TRPC4: variants seen among roughly 807,000 people sequenced by gnomAD.
TRPC4 encodes short transient receptor potential channel 4.
Under a neutral mutation model 99.4 loss-of-function variants are expected in TRPC4, and 49 were observed. The ratio of observed to expected loss-of-function variants is 0.49; its 90% CI spans 0.39 to 0.63. TRPC4 has a LOEUF of 0.63. Among genes scored for constraint, TRPC4 ranks in the 20% least tolerant of loss-of-function variants. The pLI is 0.00. For synonymous variants in TRPC4, 454 were observed against 425.9 expected (o/e 1.07, Z -0.81); for missense variants, 898 against 1,152.9 (o/e 0.78, Z 3.20).
At chr13:37,858,878 T>C (rs1959196792) in intron 1 of TRPC4, among the ~76,000 whole-genome samples, 1 of 151,228 alleles carries the variant, frequency 6.6e-6, no homozygotes, top group Non-Finnish European at 1.5e-5. Context: ...ATATCACAAC[T>C]GTGACTAAAG....
chr13:37,812,352 A>G (rs1310172421), intron 1 of TRPC4, among the ~76,000 whole-genome samples: 1 of 151,560 alleles, frequency 6.6e-6, no homozygotes, highest in African/African-American at 2.4e-5. Context: ...ATGAAAAAAA[A>G]TACAAACCAT....
intron 5 of TRPC4, among the ~76,000 whole-genome samples, chr13:37,667,164 T>C (rs1357147068): frequency 1.3e-5 from 2 of 152,202 alleles, no homozygotes; most frequent in Admixed American, 1.3e-4. Context: ...TAAACCCAAA[T>C]CTTATGTAGG....
intron 8 of TRPC4, among the ~76,000 whole-genome samples, chr13:37,643,047 A>G (rs1951773811): frequency 6.6e-6 from 1 of 151,924 alleles, no homozygotes; most frequent in Admixed American, 6.6e-5. Flanking sequence ...CGATTCTTTT[A>G]CCATGTGCTA....
chr13:37,663,548 A>C lies in TRPC4; in HGVS notation c.1556T>G (p.Phe519Cys). 6.2e-7 allele frequency: 1 copy of C among 1,614,218 alleles called. No homozygotes were observed. Among genetic ancestry groups the C allele is most frequent in the Non-Finnish European group, 8.5e-7 (1 of 1,180,024 alleles). ...LGRMLLDILK[F>C]LFIYCLVLLA... ...CAACACAAGGCAGTATATGAATAGAAACTTCAAAATGTCCAGGAGCATTCT... is the reference window on the plus strand; with the variant it reads ...CAACACAAGGCAGTATATGAATAGACACTTCAAAATGTCCAGGAGCATTCT... Residue 519 changes from phenylalanine to cysteine, a missense_variant, in exon 6 of 11, where the codon TTT becomes TGT. Physicochemically the swap from Phe to Cys is radical, Grantham distance 205. Transcript: ENST00000379705.
At chr13:37,814,958 G>A (rs1027697584) in intron 1 of TRPC4, among the ~76,000 whole-genome samples, 1 of 151,822 alleles carries the variant, frequency 6.6e-6, no homozygotes, top group African/African-American at 2.4e-5. Context: ...AATCAAGAAT[G>A]TGTAGTGCTG....
At chr13:37,763,481 C>T (rs1956279475) in intron 2 of TRPC4, among the ~76,000 whole-genome samples, 1 of 151,296 alleles carries the variant, frequency 6.6e-6, no homozygotes, top group African/African-American at 2.4e-5. Flanking sequence ...TGAATGAATC[C>T]CCTAGGCAAG....
chr13:37,781,075 T>C (rs1956826620), intron 2 of TRPC4, among the ~76,000 whole-genome samples: 1 of 152,028 alleles, frequency 6.6e-6, no homozygotes, highest in Admixed American at 6.6e-5. Context: ...AGTTCAGAAG[T>C]TGAACATCTT....
In TRPC4 at chr13:37,674,327, T is replaced by A; in HGVS notation, c.1275A>T (p.Gly425=). 1 of 1,608,204 alleles carries A rather than the reference T, an allele frequency of 6.2e-7. No individual in the cohort carries two copies. Among genetic ancestry groups the A allele is most frequent in the South Asian group, 1.1e-5 (1 of 88,150 alleles). The stretch of plus-strand genomic sequence containing the variant: ...ACCAATCATGGATGTAGTCCTGAAG[T>A]CCGCCATCCCACATCTGTTTAATTT... ...WGEIKQMWDG[G]LQDYIHDWWN... is the part of the protein sequence containing the mutation. The change falls in exon 5 of 11, where the codon GGA becomes GGT. Residue 425 remains glycine, a synonymous_variant. Coordinates refer to ENST00000379705, the MANE Select transcript of TRPC4 (RefSeq NM_016179.4).
At chr13:37,806,801 G>A (rs1273736171) in intron 1 of TRPC4, among the ~76,000 whole-genome samples, 1 of 152,038 alleles carries the variant, frequency 6.6e-6, no homozygotes, top group Admixed American at 6.6e-5. Context: ...AGGAGGGGAA[G>A]AAAGATCACA....
At chr13:37,763,462 G>GA (rs1394797336) in intron 2 of TRPC4, among the ~76,000 whole-genome samples, 3 of 151,064 alleles carry the variant, frequency 2.0e-5, no homozygotes, top group African/African-American at 7.3e-5. Context: ...AAGATAGATA[G>GA]AAAAAAAATG....
At chr13:37,707,677 T>C (rs1197433252) in intron 3 of TRPC4, among the ~76,000 whole-genome samples, 3 of 152,118 alleles carry the variant, frequency 2.0e-5, no homozygotes, top group Admixed American at 6.6e-5. Flanking sequence ...GGCAGTCCTA[T>C]AGACAGTAAT....
At chr13:37,700,544 T>A (rs1319069334) in intron 3 of TRPC4, among the ~76,000 whole-genome samples, 1 of 152,220 alleles carries the variant, frequency 6.6e-6, no homozygotes, top group Non-Finnish European at 1.5e-5. Context: ...GAATGAATAT[T>A]AGTTGTTCTT....
chr13:37,863,447 T>C (rs182210164), intron 1 of TRPC4, among the ~76,000 whole-genome samples: 17 of 151,788 alleles, frequency 1.1e-4, no homozygotes, highest in African/African-American at 3.9e-4. Context: ...TTTACACATA[T>C]ATACTTATAT....
At chr13:37,745,813 T>A (rs1955757672) in intron 3 of TRPC4, 124 bp downstream of exon 3, 1 of 1,014,350 alleles carries the variant, frequency 9.9e-7, no homozygotes, top group Non-Finnish European at 1.5e-6. Context: ...AGACAATAAA[T>A]GTCATCCACT....
At position 37,696,746 on chromosome 13, in the gene TRPC4, A is replaced by G. The variant is rs185895433; in HGVS notation, c.898-4411T>C. On this transcript the variant is annotated intron_variant, in intron 3 of 10. Coordinates refer to ENST00000379705, the MANE Select transcript of TRPC4 (RefSeq NM_016179.4). Reference sequence around the variant, plus strand: ...ATATACATACCAGTATGCTCTGGGTATTACTGTGTATTCTTCAGCAATTCA... The same window carrying G: ...ATATACATACCAGTATGCTCTGGGTGTTACTGTGTATTCTTCAGCAATTCA... Among the ~76,000 whole-genome samples, 456 of 152,318 alleles carry G rather than the reference A, an allele frequency of 3.0e-3. 2 individuals are homozygous for G. The highest frequency in any genetic ancestry group is 0.01 in the African/African-American group (434 of 41,576).
chr13:37,690,621 A>T (rs1347200188), intron 4 of TRPC4, among the ~76,000 whole-genome samples: 1 of 152,130 alleles, frequency 6.6e-6, no homozygotes, highest in Non-Finnish European at 1.5e-5. Context: ...TCTAATTTAA[A>T]CAAGATCACA....
intron 5 of TRPC4, among the ~76,000 whole-genome samples, chr13:37,672,834 AT>A (rs1226426836): frequency 6.6e-6 from 1 of 152,192 alleles, no homozygotes; most frequent in East Asian, 1.9e-4. Context: ...TTATGTTTTC[AT>A]TTTGAAATAT....
chr13:37,799,427 C>A (rs1231835604), intron 1 of TRPC4, among the ~76,000 whole-genome samples: 1 of 152,134 alleles, frequency 6.6e-6, no homozygotes, highest in East Asian at 1.9e-4. Flanking sequence ...ACCCTCTTGA[C>A]TGTCTACATT....
At chr13:37,699,971 C>G (rs765813176) in intron 3 of TRPC4, among the ~76,000 whole-genome samples, 1 of 151,882 alleles carries the variant, frequency 6.6e-6, no homozygotes, top group Non-Finnish European at 1.5e-5. Flanking sequence ...GGTGATGAAC[C>G]CAACGTTGAA....
Sources: allele counts gnomAD v4.1 joint callset (sites outside exome capture counted in the v4.1 genomes callset), GRCh38; gene constraint gnomAD v4.1.1; transcripts MANE v1.5; gene names NCBI Gene and HGNC (gene_info 2026-07-23, HGNC 2026-07-21).